Variants in VCAN observed in about 807,000 individuals in gnomAD.
The protein encoded by VCAN is versican core protein.
A neutral mutation model predicts 245.5 loss-of-function variants in VCAN; 44 were observed. The observed-to-expected ratio is 0.18, with a 90% CI of 0.14 to 0.23. The LOEUF is 0.23. Among genes scored for constraint, VCAN ranks in the 10% least tolerant of loss-of-function variants. The probability of loss-of-function intolerance (pLI) is 1.00; values close to 1 mark genes in which losing one functional copy is unlikely to be tolerated. For missense variants in VCAN, 3,793 were observed against 4,057.9 expected, an observed-to-expected ratio of 0.93 and a Z score of 1.77; for synonymous variants, 1,413 against 1,437.0, an observed-to-expected ratio of 0.98 and a Z score of 0.38.
chr5:83,511,724 G>A (rs1052591877), intron 5 of VCAN, among the ~76,000 whole-genome samples: 29 of 152,110 alleles, frequency 1.9e-4, no homozygotes. Context: ...AATATGCAAT[G>A]TTAGGAAGCA....
chr5:83,537,649 G>A lies in VCAN; in HGVS notation c.4646G>A (p.Gly1549Glu), dbSNP rs1186193570. The A allele has an allele frequency of 3.1e-6, 5 of 1,613,706 alleles. No individual in the cohort carries two copies. The highest frequency in any genetic ancestry group is 1.3e-5 in the African/African-American group (1 of 74,900). The change falls in exon 8 of 15, where the codon GGA becomes GAA. Residue 1549 changes from glycine to glutamate, a missense_variant. Physicochemically the swap from Gly to Glu is moderately conservative, Grantham distance 98. This residue lies in a region of VCAN where 3,182 missense variants were observed against 3,250.3 expected (regional missense o/e 0.98). Transcript: ENST00000265077. ...TCTCTGTTTCCTGAAGAGTCTTCAG[G>A]AGAGATTGCCATTGACCAAGAATCT... ...PVSLFPEESS[G>E]EIAIDQESQK...
At chr5:83,555,138 T>A in intron 12 of VCAN, 100 bp downstream of exon 12, 1 of 1,230,314 alleles carries the variant, frequency 8.1e-7, no homozygotes, top group East Asian at 2.4e-5. Context: ...TGGAGGCAAG[T>A]TAAATGACTT....
intron 8 of VCAN, among the ~76,000 whole-genome samples, chr5:83,544,209 A>G (rs1747110899): frequency 6.6e-6 from 1 of 152,202 alleles, no homozygotes. Context: ...AGAAAGCTAA[A>G]ATTGTTAGGG....
chr5:83,532,156 A>G (rs1024959122), intron 7 of VCAN, among the ~76,000 whole-genome samples: 1 of 151,942 alleles, frequency 6.6e-6, no homozygotes, highest in Admixed American at 6.6e-5. Context: ...GCACAGGTGT[A>G]CCCCCCAACC....
chr5:83,477,626 GGAAATACTGATAGGTCT>G (rs1744440031), intron 1 of VCAN, among the ~76,000 whole-genome samples: 1 of 152,130 alleles, frequency 6.6e-6, no homozygotes, highest in Non-Finnish European at 1.5e-5. Context: ...TGCCATTCTA[GGAAATACTGATAGGTCT>G]GACTAAGTAA....
intron 12 of VCAN, among the ~76,000 whole-genome samples, chr5:83,561,071 T>A (rs1052006029): frequency 6.6e-6 from 1 of 152,172 alleles, no homozygotes; most frequent in African/African-American, 2.4e-5. Context: ...CTAAACATTT[T>A]AAAAAACATT....
intron 12 of VCAN, among the ~76,000 whole-genome samples, chr5:83,568,301 G>A (rs538048241): frequency 5.3e-5 from 8 of 152,230 alleles, no homozygotes; most frequent in African/African-American, 1.4e-4. Flanking sequence ...TCTGCACAAT[G>A]GAATGATCAG....
intron 6 of VCAN, among the ~76,000 whole-genome samples, chr5:83,516,943 G>T (rs1745875389): frequency 1.3e-5 from 2 of 152,288 alleles, no homozygotes; most frequent in African/African-American, 2.4e-5. Context: ...AAACTGAAAA[G>T]GAAGTCTGAG....
At chr5:83,487,999 G>T (rs1398516116) in intron 2 of VCAN, among the ~76,000 whole-genome samples, 1 of 152,158 alleles carries the variant, frequency 6.6e-6, no homozygotes, top group Admixed American at 6.5e-5. Flanking sequence ...TGATGATAAA[G>T]CTGTTTATTT....
rs754675297 is a variant in VCAN at position 83,520,873 on chromosome 5, T to C, written c.2567T>C (p.Leu856Pro). Residue 856 changes from leucine (L) to proline (P), a missense_variant, in exon 7 of 15, where the codon CTT becomes CCT. This residue lies in a region of VCAN where 3,182 missense variants were observed against 3,250.3 expected (regional missense o/e 0.98). Transcript: ENST00000265077. Reference sequence around the variant, plus strand: ...GAAGATGGAGCAGATGAATTTACTCTTATTCCAGATAGTACTCAAAAGCAG... The same window carrying C: ...GAAGATGGAGCAGATGAATTTACTCCTATTCCAGATAGTACTCAAAAGCAG... The part of the protein sequence containing the change: ...FTEDGADEFT[L>P]IPDSTQKQLE... 6.2e-7 allele frequency: 1 copy of C among 1,614,178 alleles called. No homozygotes were observed. The highest frequency in any genetic ancestry group is 8.5e-7 in the Non-Finnish European group (1 of 1,180,008).
chr5:83,552,520 G>A (rs1419139626), intron 10 of VCAN, among the ~76,000 whole-genome samples: 1 of 152,136 alleles, frequency 6.6e-6, no homozygotes, highest in Non-Finnish European at 1.5e-5. Context: ...CTTTCTTGTG[G>A]AATTATGTAA....
In VCAN at chr5:83,541,715, T is replaced by C; in HGVS notation, c.8712T>C (p.Asp2904=). Reference sequence around the variant, plus strand: ...CAAAATTAGAACCTTCAGAAGATGATGGTAAACCTGAGTTATTAGAAGAAA... The same window carrying C: ...CAAAATTAGAACCTTCAGAAGATGACGGTAAACCTGAGTTATTAGAAGAAA... ...PDTKLEPSED[D]GKPELLEEME... Residue 2904 remains aspartate (D), a synonymous_variant, in exon 8 of 15, where the codon GAT becomes GAC. Transcript: ENST00000265077. The C allele has an allele frequency of 1.9e-6, 3 of 1,614,012 alleles. 1 individual carries two copies. Among genetic ancestry groups the C allele is most frequent in the East Asian group, 4.5e-5 (2 of 44,864 alleles).
At chr5:83,488,225 G>A (rs922085550) in intron 2 of VCAN, among the ~76,000 whole-genome samples, 1 of 152,106 alleles carries the variant, frequency 6.6e-6, no homozygotes, top group Non-Finnish European at 1.5e-5. Context: ...ATAGGTAGAA[G>A]GTACTTTCAG....
intron 2 of VCAN, 44 bp downstream of exon 2, chr5:83,483,632 T>G: frequency 6.4e-7 from 1 of 1,557,340 alleles, no homozygotes; most frequent in Non-Finnish European, 8.9e-7. Context: ...GAAATAAAAA[T>G]GTAAGTGCTG....
At chr5:83,578,398 G>C (rs1357185237) in intron 13 of VCAN, among the ~76,000 whole-genome samples, 1 of 151,784 alleles carries the variant, frequency 6.6e-6, no homozygotes, top group African/African-American at 2.4e-5. Flanking sequence ...TTAGTACCTG[G>C]GTGACAAAAT....
chr5:83,579,668 A>C (rs1748600886), intron 13 of VCAN, among the ~76,000 whole-genome samples: 1 of 152,202 alleles, frequency 6.6e-6, no homozygotes. Flanking sequence ...TGATGAAGAC[A>C]GTATGCTTTT....
chr5:83,542,119 A>T lies in VCAN; in HGVS notation c.9116A>T (p.Asp3039Val). The T allele has an allele frequency of 1.2e-6, 2 of 1,614,098 alleles. No individual in the cohort carries two copies. Among genetic ancestry groups the T allele is most frequent in the Non-Finnish European group, 1.7e-6 (2 of 1,179,976 alleles). The change falls in exon 8 of 15, where the codon GAT (aspartate) becomes GTT (valine). Residue 3039 changes from aspartate (D) to valine (V), a missense_variant. Transcript: ENST00000265077. ...SEQQVAARILDSNDQATVNPV... is the reference protein window; with the variant it reads ...SEQQVAARILVSNDQATVNPV... ...CAGCAAGTGGCAGCGAGAATTCTTG[A>T]TTCCAATGATCAGGCAACAGTAAAC...
chr5:83,566,368 A>G (rs993733887), intron 12 of VCAN, among the ~76,000 whole-genome samples: 53 of 152,176 alleles, frequency 3.5e-4, no homozygotes, highest in African/African-American at 1.3e-3. Flanking sequence ...TGTTTTGTTC[A>G]TGCTTGTGAT....
At chr5:83,483,180 G>C (rs570482851) in intron 1 of VCAN, among the ~76,000 whole-genome samples, 4 of 152,280 alleles carry the variant, frequency 2.6e-5, no homozygotes, top group Non-Finnish European at 5.9e-5. Flanking sequence ...CTAGTTACTT[G>C]AACTGTGGTC....
Sources: gnomAD v4.1 joint callset for allele counts (sites outside exome capture counted in the v4.1 genomes callset) on GRCh38, gnomAD v4.1.1 for gene constraint, gnomAD v4.1.1 regional missense constraint, MANE v1.5 for transcripts, NCBI Gene and HGNC (gene_info 2026-07-23, HGNC 2026-07-21) for gene names.